MAOA: variants seen among roughly 807,000 people sequenced by gnomAD.
MAOA encodes the protein amine oxidase [flavin-containing] A.
A neutral mutation model predicts 42.0 loss-of-function variants in MAOA; 6 were observed. That is an observed-to-expected ratio of 0.14 (90% confidence interval 0.08 to 0.28). The LOEUF is 0.28. MAOA is among the 10% of genes least tolerant of loss of function. The pLI is 1.00. For missense variants in MAOA, 262 were observed against 422.3 expected (o/e 0.62, Z 3.33); for synonymous variants, 140 against 154.0 (o/e 0.91, Z 0.67).
At chrX:43,708,202 A>C (rs766613841) in intron 3 of MAOA, among the ~76,000 whole-genome samples, 24 of 111,365 alleles carry the variant, frequency 2.2e-4, no homozygotes, top group African/African-American at 7.2e-4. Context: ...AAAACTAGTA[A>C]GCTTTCAGAG....
intron 5 of MAOA, among the ~76,000 whole-genome samples, chrX:43,720,053 GAGACAGGGAA>G (rs1209376652): frequency 9.0e-6 from 1 of 110,553 alleles, no homozygotes; most frequent in Non-Finnish European, 1.9e-5. Context: ...GCACTGCGGG[GAGACAGGGAA>G]GGGTAGATGT....
intron 1 of MAOA, among the ~76,000 whole-genome samples, chrX:43,663,126 C>T (rs144756034): frequency 2.0e-4 from 22 of 110,908 alleles, no homozygotes; most frequent in East Asian, 5.7e-4. Flanking sequence ...CATGAAGATC[C>T]GTCTCTTTAG....
intron 4 of MAOA, 27 bp from the exon 5 acceptor site, chrX:43,712,678 C>T: frequency 9.3e-7 from 1 of 1,076,243 alleles, no homozygotes; most frequent in Non-Finnish European, 1.3e-6. Flanking sequence ...ACCATCAAAC[C>T]TGAGAGGGGA....
At chrX:43,683,952 A>G (rs1010379631) in intron 2 of MAOA, among the ~76,000 whole-genome samples, 2 of 54,898 alleles carry the variant, frequency 3.6e-5, no homozygotes, top group Non-Finnish European at 7.8e-5. Flanking sequence ...CCCGCAATAC[A>G]CACAGACACA....
At chrX:43,666,407 C>G (rs999169468) in intron 1 of MAOA, among the ~76,000 whole-genome samples, 25 of 111,328 alleles carry the variant, frequency 2.2e-4, no homozygotes, top group Admixed American at 2.0e-3. Flanking sequence ...TTGTCATACA[C>G]CACATCCATT....
At chrX:43,728,910 G>A (rs752818665) in intron 6 of MAOA, among the ~76,000 whole-genome samples, 4 of 113,095 alleles carry the variant, frequency 3.5e-5, no homozygotes, top group African/African-American at 1.3e-4. Context: ...GACACATGGC[G>A]AAGCCAGAAT....
Position 43,715,741 on chromosome X carries a change from T to C in MAOA, c.503+2945T>C, listed in dbSNP as rs748847320. The stretch of plus-strand genomic sequence containing the variant: ...TTCGGGGACATGGAAAGGGTGGGGA[T>C]AGTATCTTCCAGGATGACCCACAAG... On this transcript the variant is annotated intron_variant, in intron 5 of 14. Transcript: ENST00000338702. 4.6e-5 allele frequency among the ~76,000 whole-genome samples: 5 copies of C among 109,380 alleles called. No individual in the cohort carries two copies. In the South Asian group the frequency reaches 2.0e-3, roughly 44 times the overall value. 95.0% of individuals were successfully genotyped at this position (109,380 alleles called of 115,157 possible). A position where few individuals can be genotyped will look rare whatever the true frequency, so the allele number is the denominator to read the frequency against.
intron 5 of MAOA, among the ~76,000 whole-genome samples, chrX:43,719,815 G>T (rs1235838513): frequency 9.0e-6 from 1 of 110,512 alleles, no homozygotes; most frequent in Non-Finnish European, 1.9e-5. Flanking sequence ...GGCACTATAG[G>T]GTAGACGTTT....
chrX:43,670,153 C>A (rs755982686), intron 1 of MAOA, among the ~76,000 whole-genome samples: 1 of 112,083 alleles, frequency 8.9e-6, no homozygotes, highest in Non-Finnish European at 1.9e-5. Context: ...CAATTATTAT[C>A]TCTGTTTTAT....
intron 3 of MAOA, among the ~76,000 whole-genome samples, chrX:43,701,951 C>T (rs1157088329): frequency 8.9e-6 from 1 of 111,968 alleles, no homozygotes; most frequent in Non-Finnish European, 1.9e-5. Flanking sequence ...CCTGTCCTCA[C>T]CTCAGTGGCA....
intron 10 of MAOA, among the ~76,000 whole-genome samples, chrX:43,740,289 T>A (rs746608642): frequency 8.9e-6 from 1 of 112,261 alleles, no homozygotes; most frequent in African/African-American, 3.2e-5. Context: ...TATAGACTTA[T>A]AAAAGGGATC....
chrX:43,711,602 TC>T (rs1231015272), intron 3 of MAOA, among the ~76,000 whole-genome samples: 5 of 111,807 alleles, frequency 4.5e-5, no homozygotes, highest in African/African-American at 6.5e-5. Flanking sequence ...ATGCATAATT[TC>T]CAAATAAATA....
intron 3 of MAOA, among the ~76,000 whole-genome samples, chrX:43,699,005 G>A (rs958825667): frequency 9.0e-6 from 1 of 111,598 alleles, no homozygotes; most frequent in African/African-American, 3.3e-5. Context: ...GGTTGCACAT[G>A]GTGGCTCATG....
intron 9 of MAOA, among the ~76,000 whole-genome samples, chrX:43,733,195 A>G (rs1417194481): frequency 5.3e-5 from 6 of 112,310 alleles, no homozygotes; most frequent in Non-Finnish European, 1.1e-4. Context: ...TCTCGGTTTT[A>G]TCCTTTTCTC....
chrX:43,711,987 TG>T lies in MAOA; in HGVS notation c.411+12del, dbSNP rs771223100. Reference sequence around the variant, plus strand: ...AACATGGGGAAGGAGGTAAAATGTGTGTTCAGTTTGCACATGACCCATTACT... The same window carrying T: ...AACATGGGGAAGGAGGTAAAATGTGTTTCAGTTTGCACATGACCCATTACT... On this transcript the variant is annotated intron_variant, in intron 4 of 14. Transcript: ENST00000338702. 3.7e-6 allele frequency: 4 copies of T among 1,094,369 alleles called. No individual in the cohort carries two copies. The highest frequency in any genetic ancestry group is 3.7e-5 in the African/African-American group (2 of 54,625). 90.2% of individuals were successfully genotyped at this position (1,094,369 alleles called of 1,213,427 possible). A position where few individuals can be genotyped will look rare whatever the true frequency, so the allele number is the denominator to read the frequency against.
chrX:43,697,293 C>T (rs185833848), intron 3 of MAOA, among the ~76,000 whole-genome samples: 2 of 111,947 alleles, frequency 1.8e-5, no homozygotes, highest in Non-Finnish European at 3.8e-5. Flanking sequence ...TTTCTGGCAG[C>T]TCTCTTCTGA....
chrX:43,685,143 G>A (rs1259872826), intron 2 of MAOA, among the ~76,000 whole-genome samples: 1 of 110,925 alleles, frequency 9.0e-6, no homozygotes, highest in Non-Finnish European at 1.9e-5. Context: ...GCCTCCCAAA[G>A]TGCTGGGATA....
chrX:43,710,827 A>C (rs2033694173), intron 3 of MAOA, among the ~76,000 whole-genome samples: 1 of 112,134 alleles, frequency 8.9e-6, no homozygotes, highest in African/African-American at 3.2e-5. Context: ...CAAGCAATAG[A>C]AACCAACTCA....
chrX:43,720,397 C>G (rs749676490), intron 5 of MAOA, among the ~76,000 whole-genome samples: 10 of 109,662 alleles, frequency 9.1e-5, no homozygotes, highest in Admixed American at 8.8e-4. Flanking sequence ...GAGATGGTAT[C>G]TTCCAGGAAT....
Sources: allele counts gnomAD v4.1 joint callset (sites outside exome capture counted in the v4.1 genomes callset), GRCh38; gene constraint gnomAD v4.1.1; transcripts MANE v1.5; gene names NCBI Gene and HGNC (gene_info 2026-07-23, HGNC 2026-07-21).